GALNT11: variants seen among roughly 807,000 people sequenced by gnomAD.
The protein encoded by GALNT11 is polypeptide N-acetylgalactosaminyltransferase 11.
GALNT11 carries 47 observed loss-of-function variants against 72.7 expected under a neutral mutation model. The ratio of observed to expected loss-of-function variants is 0.65; its 90% CI spans 0.51 to 0.82. GALNT11 has a LOEUF of 0.82. Among genes scored for constraint, GALNT11 ranks in the 40% least tolerant of loss-of-function variants. GALNT11 has a pLI of 0.00. For synonymous variants in GALNT11, 270 were observed against 286.6 expected, an observed-to-expected ratio of 0.94 and a Z score of 0.58; for missense variants, 677 against 778.4, an observed-to-expected ratio of 0.87 and a Z score of 1.55.
intron 1 of GALNT11, among the ~76,000 whole-genome samples, chr7:152,076,061 C>CAAAAAA (rs71198757): frequency 1.8e-4 from 13 of 71,322 alleles, no homozygotes; most frequent in African/African-American, 2.5e-4. Context: ...GACTCCGTCT[C>CAAAAAA]AAAAAAAAAA....
intron 6 of GALNT11, 114 bp from the exon 7 acceptor site, chr7:152,110,414 A>G: frequency 1.3e-6 from 1 of 795,528 alleles, no homozygotes. Flanking sequence ...ATTCATAATC[A>G]TTAATTCAAT....
chr7:152,054,500 TGTC>T (rs144733387), intron 1 of GALNT11, among the ~76,000 whole-genome samples: 2 of 147,808 alleles, frequency 1.4e-5, no homozygotes, highest in African/African-American at 2.5e-5. Context: ...ATTTTTTTCT[TGTC>T]TTTTTTTTTT....
At chr7:152,104,385 A>G (rs545641958) in intron 4 of GALNT11, 1 of 152,326 alleles carries the variant, frequency 6.6e-6, no homozygotes, top group East Asian at 1.9e-4. Flanking sequence ...TTGGTATACC[A>G]GTATACTTAA....
intron 3 of GALNT11, among the ~76,000 whole-genome samples, chr7:152,101,261 T>TC (rs3832488): frequency 0.11 from 16,057 of 152,216 alleles, 1,788 homozygotes; most frequent in African/African-American, 0.27. Context: ...AGAATTTTAC[T>TC]CTCATTTCAC....
chr7:152,030,891 C>T (rs1017694701), intron 1 of GALNT11, among the ~76,000 whole-genome samples: 1 of 152,072 alleles, frequency 6.6e-6, no homozygotes, highest in Non-Finnish European at 1.5e-5. Flanking sequence ...CTGTTCTCCC[C>T]TCTCCTTCCC....
chr7:152,072,141 G>A (rs1322033698), intron 1 of GALNT11, among the ~76,000 whole-genome samples: 1 of 151,396 alleles, frequency 6.6e-6, no homozygotes, highest in African/African-American at 2.4e-5. Flanking sequence ...CCAACATGAT[G>A]AAACCCCATC....
At position 152,113,383 on chromosome 7, in the gene GALNT11, G is replaced by A. The variant is rs781234197; in HGVS notation, c.1218G>A (p.Trp406Ter). The A allele has an allele frequency of 9.3e-6, 15 of 1,613,826 alleles. No homozygotes were observed. The highest frequency in any genetic ancestry group is 1.3e-5 in the Non-Finnish European group (15 of 1,179,908). Residue 406 changes from tryptophan to a stop codon, truncating the protein, a stop_gained, in exon 8 of 12, where the codon TGG (tryptophan) becomes TGA (stop). Coordinates refer to ENST00000430044, the MANE Select transcript of GALNT11 (RefSeq NM_022087.4). LOFTEE classifies it high-confidence loss of function. ...ACTCTTTGCGGCTGGCACATGTCTG[G>A]TTGGATGAATACAAGGTGAGATGAA... Reference protein sequence around the residue: ...THNSLRLAHVWLDEYKEQYFS... With the variant: ...THNSLRLAHV
chr7:152,032,798 G>T (rs1002298413), intron 1 of GALNT11, among the ~76,000 whole-genome samples: 1 of 152,184 alleles, frequency 6.6e-6, no homozygotes, highest in Non-Finnish European at 1.5e-5. Context: ...GTAGATAATA[G>T]CTCCAGCTTT....
At chr7:152,102,981 C>CAA (rs11358024) in intron 3 of GALNT11, 131 bp from the exon 4 acceptor site, 2,427 of 600,488 alleles carry the variant, frequency 4.0e-3, no homozygotes, top group Non-Finnish European at 4.6e-3. Context: ...GACTCCGTCT[C>CAA]AAAAAAAAAA....
At position 152,025,883 on chromosome 7, in the gene GALNT11, C is replaced by T; in HGVS notation, c.-40C>T. The T allele has an allele frequency of 3.7e-6, 1 of 272,752 alleles. No homozygotes were observed. Among genetic ancestry groups the T allele is most frequent in the South Asian group, 3.0e-5 (1 of 33,464 alleles). The allele number at this position is 272,752 out of a possible 1,614,324, so 16.9% of individuals were successfully genotyped here. A position where few individuals can be genotyped will look rare whatever the true frequency, so the allele number is the denominator to read the frequency against. ...CGGCGATCCTGGGCTGCGGGCAAGG[C>T]GGTGAGTACCCTCTAGGCGGCGGCC... is the stretch of plus-strand genomic sequence containing the variant. On this transcript the variant is annotated splice_region_variant and 5_prime_UTR_variant, in exon 1 of 12. Coordinates refer to ENST00000430044, the MANE Select transcript of GALNT11 (RefSeq NM_022087.4).
intron 7 of GALNT11, among the ~76,000 whole-genome samples, chr7:152,111,299 C>T (rs2088168112): frequency 6.6e-6 from 1 of 151,842 alleles, no homozygotes; most frequent in Non-Finnish European, 1.5e-5. Context: ...GGAGTACAGG[C>T]GCATGCCGCC....
chr7:152,034,284 A>G (rs1379222364), intron 1 of GALNT11, among the ~76,000 whole-genome samples: 5 of 152,084 alleles, frequency 3.3e-5, no homozygotes, highest in South Asian at 2.1e-4. Context: ...TAAATTGCAA[A>G]CTTTGCATAG....
intron 1 of GALNT11, among the ~76,000 whole-genome samples, chr7:152,054,905 T>C (rs2083583850): frequency 6.6e-6 from 1 of 152,198 alleles, no homozygotes; most frequent in Admixed American, 6.5e-5. Flanking sequence ...ACAGAACCCA[T>C]AGGATGTGTG....
chr7:152,105,439 T>C (rs948684282), intron 5 of GALNT11, 69 bp downstream of exon 5: 1 of 1,556,420 alleles, frequency 6.4e-7, no homozygotes, highest in Non-Finnish European at 8.7e-7. Flanking sequence ...GCGCCTGTCC[T>C]GATTCTGCAA....
chr7:152,104,568 T>G (rs2087321818), intron 4 of GALNT11: 1 of 152,172 alleles, frequency 6.6e-6, no homozygotes, highest in Non-Finnish European at 1.5e-5. Flanking sequence ...TTAAGTCAAC[T>G]TGTATTTTGG....
chr7:152,067,399 T>C (rs537212488), intron 1 of GALNT11, among the ~76,000 whole-genome samples: 4 of 152,226 alleles, frequency 2.6e-5, no homozygotes, highest in African/African-American at 9.6e-5. Flanking sequence ...AGATCTGTTA[T>C]AGTCTGTCCT....
intron 4 of GALNT11, 198 bp downstream of exon 4, chr7:152,103,476 T>G (rs552644042): frequency 1.3e-5 from 6 of 477,030 alleles, no homozygotes; most frequent in Non-Finnish European, 1.8e-5. Flanking sequence ...TACCCAAATT[T>G]GGGCCGTGAA....
intron 1 of GALNT11, among the ~76,000 whole-genome samples, chr7:152,078,501 G>A (rs6944753): frequency 0.16 from 24,225 of 152,096 alleles, 4,687 homozygotes; most frequent in African/African-American, 0.46. Context: ...GCGCCCGGCC[G>A]GAAGGAATAT....
At chr7:152,035,531 CTGAA>C (rs1316268926) in intron 1 of GALNT11, among the ~76,000 whole-genome samples, 2 of 152,184 alleles carry the variant, frequency 1.3e-5, no homozygotes, top group African/African-American at 4.8e-5. Context: ...GACCCCGGAG[CTGAA>C]TGGCTTTCCT....
Sources: allele counts gnomAD v4.1 joint callset (sites outside exome capture counted in the v4.1 genomes callset), GRCh38; gene constraint gnomAD v4.1.1; transcripts MANE v1.5; gene names NCBI Gene and HGNC (gene_info 2026-07-23, HGNC 2026-07-21).